Variants in CXADR observed in about 807,000 individuals in gnomAD.
The protein encoded by CXADR is coxsackievirus and adenovirus receptor.
A neutral mutation model predicts 40.3 loss-of-function variants in CXADR; 20 were observed. The observed-to-expected ratio is 0.50, with a 90% CI of 0.35 to 0.72. The LOEUF is 0.72. Ranked by LOEUF, CXADR falls within the 30% of genes least tolerant of loss-of-function variation. The pLI, the probability that CXADR is intolerant of heterozygous loss-of-function variation, is 0.01. For synonymous variants in CXADR, 150 were observed against 161.3 expected (o/e 0.93, Z 0.53); for missense variants, 332 against 449.1 (o/e 0.74, Z 2.36).
At chr21:17,558,826 G>T in intron 3 of CXADR, 150 bp from the exon 4 acceptor site, 1 of 729,006 alleles carries the variant, frequency 1.4e-6, no homozygotes, top group East Asian at 2.8e-5. Flanking sequence ...TGAATAAACT[G>T]ATGTTGATCA....
At chr21:17,559,258 A>C (rs939370204) in intron 4 of CXADR, 127 bp downstream of exon 4, 3 of 964,114 alleles carry the variant, frequency 3.1e-6, no homozygotes, top group African/African-American at 3.3e-5. Flanking sequence ...CGGCTCACTG[A>C]AGCTTCAACC....
At chr21:17,610,056 G>C in the CXADR span, among the ~76,000 whole-genome samples, 41 of 152,252 alleles carry the variant, frequency 2.7e-4, no homozygotes, top group South Asian at 8.3e-4. Flanking sequence ...ATCACACTAA[G>C]GGAAAGAAGC....
chr21:17,575,174 T>G (rs1476785486), intron 7 of CXADR, among the ~76,000 whole-genome samples: 1 of 151,968 alleles, frequency 6.6e-6, no homozygotes, highest in Admixed American at 6.6e-5. Context: ...TTCTGTTTTT[T>G]GTTTTGTTTG....
At chr21:17,513,218 C>T (rs1313732383) in intron 1 of CXADR, 46 bp downstream of exon 1, 2 of 1,341,406 alleles carry the variant, frequency 1.5e-6, no homozygotes, top group South Asian at 2.1e-5. Context: ...AGCCCGGGGG[C>T]GCTCGCTGCC....
At chr21:17,608,932 G>C in the CXADR span, 2 of 1,584,542 alleles carry the variant, frequency 1.3e-6, 1 homozygote, top group South Asian at 2.3e-5. Flanking sequence ...CCCACCTCAG[G>C]GGTTGATCAG....
At chr21:17,541,986 C>G (rs778692387) in intron 1 of CXADR, 1 of 351,250 alleles carries the variant, frequency 2.8e-6, no homozygotes. Context: ...TCATAGCTTT[C>G]AGCACCAATT....
chr21:17,611,102 C>T, the CXADR span, among the ~76,000 whole-genome samples: 2 of 152,216 alleles, frequency 1.3e-5, no homozygotes, highest in Non-Finnish European at 2.9e-5. Context: ...CAGCCCACCA[C>T]GACTGCTGTG....
chr21:17,579,361 T>C (rs955334564), intron 7 of CXADR, among the ~76,000 whole-genome samples: 9 of 151,922 alleles, frequency 5.9e-5, no homozygotes, highest in African/African-American at 2.2e-4. Context: ...CTTGGCTCAC[T>C]GCAACCTCCG....
At chr21:17,541,122 G>T (rs1037452628) in intron 1 of CXADR, among the ~76,000 whole-genome samples, 1 of 151,948 alleles carries the variant, frequency 6.6e-6, no homozygotes, top group African/African-American at 2.4e-5. Flanking sequence ...AACCCGTATT[G>T]ACATAACATT....
At chr21:17,523,648 T>C (rs1053144542) in intron 1 of CXADR, among the ~76,000 whole-genome samples, 1 of 152,094 alleles carries the variant, frequency 6.6e-6, no homozygotes, top group East Asian at 1.9e-4. Context: ...TAGCAAGTAG[T>C]TGATGTGAAG....
rs2060971818 is a variant in CXADR at position 17,551,737 on chromosome 21, GCTTT to G, written c.211-7_211-4del. The G allele has an allele frequency of 6.3e-7, 1 of 1,594,550 alleles. No individual in the cohort carries two copies. On this transcript the variant is annotated splice_polypyrimidine_tract_variant and splice_region_variant and intron_variant, in intron 2 of 6. Coordinates refer to ENST00000284878, the MANE Select transcript of CXADR (RefSeq NM_001338.5). The stretch of plus-strand genomic sequence containing the variant: ...TTGTTTTTCCTCCTGTCTAATTTTG[GCTTT>G]CTTTTAGATTATTTTATATTCTGGA...
chr21:17,526,825 T>G (rs1456912243), intron 1 of CXADR, among the ~76,000 whole-genome samples: 2 of 151,982 alleles, frequency 1.3e-5, no homozygotes, highest in Admixed American at 6.5e-5. Flanking sequence ...CTGGGTGGGT[T>G]TTGGTGTTTT....
downstream of CXADR, among the ~76,000 whole-genome samples, chr21:17,574,835 A>G (rs538895916): frequency 1.2e-4 from 19 of 152,260 alleles, no homozygotes; most frequent in African/African-American, 4.6e-4. Context: ...TTGAATAGAT[A>G]CCTAGATGTA....
rs992707971 is a variant in CXADR, at chr21:17,559,968, C to T, written c.572-734C>T. 2.7e-4 allele frequency among the ~76,000 whole-genome samples: 23 copies of T among 84,818 alleles called. 1 individual carries two copies. In the South Asian group the frequency reaches 5.8e-3, roughly 21 times the overall value. 55.6% of individuals were successfully genotyped at this position (84,818 alleles called of 152,430 possible). ...TATAGGTGTGGGCCATTGCGCCTGG[C>T]GAATTTTTTTTTTTTAATTGATGAG... is the stretch of plus-strand genomic sequence containing the variant. On this transcript the variant is annotated intron_variant, in intron 4 of 6. Transcript: ENST00000284878.
rs1179683085 is a variant in CXADR, at chr21:17,534,100, A to ATAT, written c.44-12926_44-12925insATT. On this transcript the variant is annotated intron_variant, in intron 1 of 6. Transcript: ENST00000284878. ...CACACACATATATATATATATATAT[A>ATAT]TTTTTTTTTTTTTTTTTTTTTTTTT... Among the ~76,000 whole-genome samples, 113 of 60,086 alleles carry ATAT rather than the reference A, an allele frequency of 1.9e-3. 7 individuals carry two copies. The highest frequency in any genetic ancestry group is 9.3e-3 in the African/African-American group (105 of 11,244). 39.4% of individuals were successfully genotyped at this position (60,086 alleles called of 152,430 possible). A position where few individuals can be genotyped will look rare whatever the true frequency, so the allele number is the denominator to read the frequency against.
intron 1 of CXADR, among the ~76,000 whole-genome samples, chr21:17,532,802 T>G (rs1010987504): frequency 2.0e-5 from 3 of 152,238 alleles, no homozygotes; most frequent in African/African-American, 7.2e-5. Flanking sequence ...TTTACATGTG[T>G]TATTTAATTT....
At chr21:17,597,298 TA>T (rs2061516574), downstream of CXADR, among the ~76,000 whole-genome samples, 1 of 152,020 alleles carries the variant, frequency 6.6e-6, no homozygotes, top group Non-Finnish European at 1.5e-5. Flanking sequence ...TAACAACAAA[TA>T]AAATTCTGAG....
In CXADR at chr21:17,567,424, T is replaced by G; in HGVS notation, c.*1732T>G. The G allele has an allele frequency of 1.0e-6, 1 of 985,238 alleles. No homozygotes were observed. Among genetic ancestry groups the G allele is most frequent in the Non-Finnish European group, 1.2e-6 (1 of 829,706 alleles). The allele number at this position is 985,238 out of a possible 1,614,324, so 61.0% of individuals were successfully genotyped here. On this transcript the variant is annotated 3_prime_UTR_variant, in exon 7 of 7. Transcript: ENST00000284878. Reference sequence around the variant, plus strand: ...TTTTCATCTGTGCCTTTTGGTAATTTAATTTCTATTATGAATTTCTGGTGC... The same window carrying G: ...TTTTCATCTGTGCCTTTTGGTAATTGAATTTCTATTATGAATTTCTGGTGC...
At chr21:17,529,212 T>C (rs2060638733) in intron 1 of CXADR, among the ~76,000 whole-genome samples, 1 of 151,978 alleles carries the variant, frequency 6.6e-6, no homozygotes, top group South Asian at 2.1e-4. Context: ...CTAATTTTTG[T>C]AGTAGAGACG....
Sources: allele counts gnomAD v4.1 joint callset (sites outside exome capture counted in the v4.1 genomes callset), GRCh38; gene constraint gnomAD v4.1.1; transcripts MANE v1.5; gene names NCBI Gene and HGNC (gene_info 2026-07-23, HGNC 2026-07-21).